Variants in SYNDIG1 observed in about 807,000 individuals in gnomAD.
SYNDIG1 encodes synapse differentiation inducing 1.
Under a neutral mutation model 19.4 loss-of-function variants are expected in SYNDIG1, and 9 were observed. The ratio of observed to expected loss-of-function variants is 0.46; its 90% CI spans 0.28 to 0.81. The LOEUF is 0.81. Ranked by LOEUF, SYNDIG1 falls within the 30% of genes least tolerant of loss-of-function variation. The pLI is 0.12. For synonymous variants in SYNDIG1, 141 were observed against 145.9 expected, an observed-to-expected ratio of 0.97 and a Z score of 0.24; for missense variants, 311 against 343.3, an observed-to-expected ratio of 0.91 and a Z score of 0.74.
chr20:24,509,226 A>G (rs1000223309), intron 1 of SYNDIG1, among the ~76,000 whole-genome samples: 1 of 152,166 alleles, frequency 6.6e-6, no homozygotes, highest in Non-Finnish European at 1.5e-5. Flanking sequence ...GTGTGTGTGT[A>G]TTTCAATTAT....
intron 1 of SYNDIG1, among the ~76,000 whole-genome samples, chr20:24,537,470 G>T (rs891464306): frequency 6.6e-6 from 1 of 152,014 alleles, no homozygotes; most frequent in East Asian, 1.9e-4. Flanking sequence ...TTCTCTGTAT[G>T]GTATACACTC....
intron 1 of SYNDIG1, among the ~76,000 whole-genome samples, chr20:24,527,799 A>T (rs1288787684): frequency 6.6e-6 from 1 of 152,166 alleles, no homozygotes; most frequent in Non-Finnish European, 1.5e-5. Flanking sequence ...GCTTCTTAGA[A>T]ATGGAAACTT....
At chr20:24,631,367 G>A (rs778343523) in intron 3 of SYNDIG1, among the ~76,000 whole-genome samples, 4 of 152,314 alleles carry the variant, frequency 2.6e-5, no homozygotes, top group East Asian at 1.9e-4. Context: ...GGCAGCAAAG[G>A]CCTCTCAGGA....
chr20:24,593,213 C>T (rs2058540643), intron 3 of SYNDIG1, among the ~76,000 whole-genome samples: 1 of 152,196 alleles, frequency 6.6e-6, no homozygotes, highest in African/African-American at 2.4e-5. Context: ...TTCCTCAAGT[C>T]GGCCCCATTG....
chr20:24,517,095 G>T (rs1205870912), intron 1 of SYNDIG1, among the ~76,000 whole-genome samples: 2 of 152,012 alleles, frequency 1.3e-5, no homozygotes, highest in Non-Finnish European at 2.9e-5. Flanking sequence ...GGTGGGAATT[G>T]AACAATGAGA....
chr20:24,586,836 T>C (rs1260797834), intron 3 of SYNDIG1, among the ~76,000 whole-genome samples: 1 of 152,200 alleles, frequency 6.6e-6, no homozygotes, highest in Non-Finnish European at 1.5e-5. Flanking sequence ...CAGTCCTTTG[T>C]GGTGTCCGTG....
At chr20:24,624,138 T>C (rs1455873071) in intron 3 of SYNDIG1, among the ~76,000 whole-genome samples, 1 of 151,650 alleles carries the variant, frequency 6.6e-6, no homozygotes, top group Non-Finnish European at 1.5e-5. Flanking sequence ...GGTGGGTGCC[T>C]GTAGTCCCAG....
chr20:24,482,245 C>T (rs919595246), intron 1 of SYNDIG1, among the ~76,000 whole-genome samples: 1 of 152,032 alleles, frequency 6.6e-6, no homozygotes, highest in Non-Finnish European at 1.5e-5. Flanking sequence ...ACTCTGTCAC[C>T]CAGGCTGGAG....
intron 2 of SYNDIG1, among the ~76,000 whole-genome samples, chr20:24,577,776 C>A (rs2058253922): frequency 6.6e-6 from 1 of 152,198 alleles, no homozygotes; most frequent in Non-Finnish European, 1.5e-5. Context: ...ATCATTCTCA[C>A]CCAACGTTGA....
chr20:24,485,854 A>G (rs2055941641), intron 1 of SYNDIG1, among the ~76,000 whole-genome samples: 1 of 152,218 alleles, frequency 6.6e-6, no homozygotes, highest in Non-Finnish European at 1.5e-5. Context: ...TGGCTCCCAG[A>G]TGGCTGCTAC....
chr20:24,610,134 A>T (rs2058823638), intron 3 of SYNDIG1, among the ~76,000 whole-genome samples: 1 of 152,190 alleles, frequency 6.6e-6, no homozygotes. Context: ...AGGTGAAAAC[A>T]TGGAAATTGC....
rs571509965 is a variant in SYNDIG1, at chr20:24,521,857, G to A, written c.-78-21163G>A. On this transcript the variant is annotated intron_variant, in intron 1 of 3. Transcript: ENST00000376862. ...AGAGGTTGTAGTGAGCCAAGATTGCGCCACTGCACTCCAGCATGGGTGAAA... is the reference window on the plus strand; with the variant it reads ...AGAGGTTGTAGTGAGCCAAGATTGCACCACTGCACTCCAGCATGGGTGAAA... Among the ~76,000 whole-genome samples the A allele has an allele frequency of 6.8e-5, 10 of 147,774 alleles. No homozygotes were observed. The South Asian group carries it at 8.6e-4, about 13-fold the overall frequency.
At chr20:24,657,592 G>A (rs1050758618) in intron 3 of SYNDIG1, among the ~76,000 whole-genome samples, 1 of 152,100 alleles carries the variant, frequency 6.6e-6, no homozygotes, top group Non-Finnish European at 1.5e-5. Context: ...TAAAATATAA[G>A]GGTTGTTAAA....
intron 3 of SYNDIG1, among the ~76,000 whole-genome samples, chr20:24,624,616 T>TA (rs2059093331): frequency 6.6e-6 from 1 of 152,200 alleles, no homozygotes; most frequent in African/African-American, 2.4e-5. Context: ...CATTTGTCAG[T>TA]AATTGATAGA....
At chr20:24,483,656 C>T (rs1246710652) in intron 1 of SYNDIG1, among the ~76,000 whole-genome samples, 1 of 152,252 alleles carries the variant, frequency 6.6e-6, no homozygotes, top group Non-Finnish European at 1.5e-5. Context: ...CTGCCTGCGG[C>T]TGACCGTCTT....
intron 1 of SYNDIG1, among the ~76,000 whole-genome samples, chr20:24,489,868 G>A (rs749895769): frequency 1.2e-4 from 19 of 152,216 alleles, no homozygotes; most frequent in Non-Finnish European, 2.5e-4. Flanking sequence ...ACTGGAGTGC[G>A]TTAAGAAGCC....
chr20:24,630,490 C>T (rs60869925), intron 3 of SYNDIG1, among the ~76,000 whole-genome samples: 33,453 of 152,192 alleles, frequency 0.22, 4,292 homozygotes, highest in Admixed American at 0.36. Context: ...GTACCTTATT[C>T]ATCAGGGCCC....
At chr20:24,647,845 A>G (rs2059435982) in intron 3 of SYNDIG1, among the ~76,000 whole-genome samples, 1 of 151,154 alleles carries the variant, frequency 6.6e-6, no homozygotes, top group African/African-American at 2.4e-5. Context: ...CTGCTGTCAC[A>G]AGTTACTGTG....
At chr20:24,487,587 G>A (rs561776423) in intron 1 of SYNDIG1, among the ~76,000 whole-genome samples, 16 of 152,324 alleles carry the variant, frequency 1.1e-4, no homozygotes, top group African/African-American at 3.6e-4. Flanking sequence ...AAATGAATCC[G>A]TGTCCACATG....
Sources: allele counts gnomAD v4.1 joint callset (sites outside exome capture counted in the v4.1 genomes callset), GRCh38; gene constraint gnomAD v4.1.1; transcripts MANE v1.5; gene names NCBI Gene and HGNC (gene_info 2026-07-23, HGNC 2026-07-21).